The following WIPF2 variants were observed in gnomAD, a reference collection of about 807,000 sequenced individuals.
WIPF2 encodes WAS/WASL interacting protein family member 2.
Under a neutral mutation model 38.8 loss-of-function variants are expected in WIPF2, and 23 were observed. The observed-to-expected ratio is 0.59, with a 90% confidence interval of 0.43 to 0.84. The LOEUF is 0.84. Ranked by LOEUF, WIPF2 falls within the 40% of genes least tolerant of loss-of-function variation. The probability of loss-of-function intolerance (pLI) is 0.00; values close to 1 mark genes in which losing one functional copy is unlikely to be tolerated. For missense variants in WIPF2, 574 were observed against 580.5 expected (o/e 0.99, Z 0.11); for synonymous variants, 210 against 223.2 (o/e 0.94, Z 0.53).
intron 4 of WIPF2, among the ~76,000 whole-genome samples, 156 bp from the exon 5 acceptor site, chr17:40,264,326 CAAAAAAAA>C (rs772320240): frequency 9.2e-4 from 22 of 23,966 alleles, no homozygotes; most frequent in South Asian, 5.0e-3. Context: ...AACTTCGTCT[CAAAAAAAA>C]AAAAAAAAAA....
chr17:40,267,276 T>G (rs1222790178), intron 5 of WIPF2, among the ~76,000 whole-genome samples: 2 of 151,308 alleles, frequency 1.3e-5, no homozygotes, highest in African/African-American at 4.9e-5. Context: ...TAAGGGAGAG[T>G]GGGGCAGGAA....
chr17:40,277,068 C>T lies in WIPF2; in HGVS notation c.1181-15C>T. 6.2e-7 allele frequency: 1 copy of T among 1,600,752 alleles called. No homozygotes were observed. Among genetic ancestry groups the T allele is most frequent in the Non-Finnish European group, 8.5e-7 (1 of 1,170,584 alleles). Reference sequence around the variant, plus strand: ...AGCAAGGATGATAGGAATTAATGTTCTATTCTTTTCGCAGATGATTTTGAG... The same window carrying T: ...AGCAAGGATGATAGGAATTAATGTTTTATTCTTTTCGCAGATGATTTTGAG... On this transcript the variant is annotated splice_polypyrimidine_tract_variant and intron_variant, in intron 6 of 7. Transcript: ENST00000323571.
chr17:40,270,351 G>A (rs1368522821), intron 5 of WIPF2, among the ~76,000 whole-genome samples: 3 of 147,806 alleles, frequency 2.0e-5, no homozygotes, highest in African/African-American at 7.5e-5. Context: ...GGGGGACAGA[G>A]CGAGACTCCG....
intron 6 of WIPF2, among the ~76,000 whole-genome samples, chr17:40,274,280 T>C (rs2032325308): frequency 6.6e-6 from 1 of 152,202 alleles, no homozygotes; most frequent in Admixed American, 6.5e-5. Context: ...TTTTTGTAGC[T>C]AGCTTTTAGG....
At chr17:40,261,555 C>T (rs2031900335) in intron 3 of WIPF2, among the ~76,000 whole-genome samples, 1 of 152,032 alleles carries the variant, frequency 6.6e-6, no homozygotes, top group Non-Finnish European at 1.5e-5. Context: ...TGCTCAGCCT[C>T]TCAAAGTGCT....
chr17:40,238,129 T>G (rs1234691857), intron 1 of WIPF2, among the ~76,000 whole-genome samples: 2 of 151,788 alleles, frequency 1.3e-5, no homozygotes, highest in Non-Finnish European at 2.9e-5. Flanking sequence ...CGTGCTGGGA[T>G]TACAGACGTG....
At position 40,264,820 on chromosome 17, in the gene WIPF2, A is replaced by G; in HGVS notation, c.644A>G (p.Gln215Arg). 6.2e-7 allele frequency: 1 copy of G among 1,613,510 alleles called. No homozygotes were observed. Among genetic ancestry groups the G allele is most frequent in the South Asian group, 1.1e-5 (1 of 91,050 alleles). ...REKPLPPTPG[Q>R]RLHPGREGPP... ...AAACCCTTGCCACCGACGCCTGGAC[A>G]AAGGCTTCACCCTGGTCGAGAGGGA... Residue 215 changes from glutamine (Q) to arginine (R), a missense_variant, in exon 5 of 8, where the codon CAA becomes CGA. Gln to Arg is a conservative substitution (Grantham distance 43). Transcript: ENST00000323571.
intron 3 of WIPF2, among the ~76,000 whole-genome samples, chr17:40,261,847 C>T (rs1438553833): frequency 6.6e-5 from 10 of 150,554 alleles, no homozygotes; most frequent in Non-Finnish European, 1.0e-4. Flanking sequence ...CCACCGCACC[C>T]GGCTAATTTT....
intron 1 of WIPF2, among the ~76,000 whole-genome samples, chr17:40,243,404 T>G (rs1452651283): frequency 6.6e-6 from 1 of 152,208 alleles, no homozygotes; most frequent in Non-Finnish European, 1.5e-5. Context: ...TAAAAAAATA[T>G]GTTTGAAAGA....
chr17:40,246,375 C>A (rs962421157), intron 1 of WIPF2, among the ~76,000 whole-genome samples: 1 of 140,954 alleles, frequency 7.1e-6, no homozygotes, highest in East Asian at 2.1e-4. Flanking sequence ...CGTGAGCCAC[C>A]GTGCCCTGCC....
intron 1 of WIPF2, among the ~76,000 whole-genome samples, chr17:40,244,703 A>G (rs766527559): frequency 8.5e-5 from 13 of 152,274 alleles, no homozygotes; most frequent in African/African-American, 1.7e-4. Flanking sequence ...ATAAAGCCTC[A>G]GATTTCATCT....
At chr17:40,235,152 C>G (rs537530723) in intron 1 of WIPF2, among the ~76,000 whole-genome samples, 52 of 152,212 alleles carry the variant, frequency 3.4e-4, no homozygotes, top group African/African-American at 1.2e-3. Flanking sequence ...GCCTCGGCCT[C>G]CCAAAGTGCT....
At chr17:40,274,562 A>G (rs1401557849) in intron 6 of WIPF2, among the ~76,000 whole-genome samples, 19 of 112,706 alleles carry the variant, frequency 1.7e-4, no homozygotes, top group Non-Finnish European at 2.6e-4. Context: ...TTCTTGAAAA[A>G]AAAAAAAAAA....
chr17:40,251,981 G>T (rs758739842), intron 1 of WIPF2, among the ~76,000 whole-genome samples: 3 of 152,008 alleles, frequency 2.0e-5, no homozygotes, highest in Non-Finnish European at 4.4e-5. Flanking sequence ...TTTTTTAAGG[G>T]GTCTTGCTGT....
chr17:40,268,857 T>C (rs1038916120), intron 5 of WIPF2, among the ~76,000 whole-genome samples: 1 of 152,168 alleles, frequency 6.6e-6, no homozygotes, highest in Admixed American at 6.5e-5. Context: ...TTCTCACCGA[T>C]TCTCTTTTCT....
rs149350192 is a variant in WIPF2, at chr17:40,222,572, CAT to C, written c.-70+3081_-70+3082del. Among the ~76,000 whole-genome samples the C allele has an allele frequency of 1.6e-3, 171 of 107,174 alleles. 2 individuals are homozygous for C. The highest frequency in any genetic ancestry group is 6.0e-3 in the East Asian group (15 of 2,504). 70.3% of individuals were successfully genotyped at this position (107,174 alleles called of 152,430 possible). A position where few individuals can be genotyped will look rare whatever the true frequency, so the allele number is the denominator to read the frequency against. ...TCTGTTTCTTCCTCTTAGCCTTGCT[CAT>C]GTGTGTGTGTGTTTGTGTGTGTGTG... is the stretch of plus-strand genomic sequence containing the variant. On this transcript the variant is annotated intron_variant, in intron 1 of 7. Transcript: ENST00000323571.
At position 40,279,480 on chromosome 17, in the gene WIPF2, G is replaced by A. The variant is rs1051970185; in HGVS notation, c.*1255G>A. The A allele has an allele frequency of 6.5e-6, 1 of 152,728 alleles. No individual in the cohort carries two copies. The highest frequency in any genetic ancestry group is 6.5e-5 in the Admixed American group (1 of 15,276). 9.5% of individuals were successfully genotyped at this position (152,728 alleles called of 1,614,324 possible). On this transcript the variant is annotated 3_prime_UTR_variant, in exon 8 of 8. Transcript: ENST00000323571. ...ATATTCAGATACTCTTCTATGCCAGGAAGCACAAAGACTTTGTTGAGATTT... is the reference window on the plus strand; with the variant it reads ...ATATTCAGATACTCTTCTATGCCAGAAAGCACAAAGACTTTGTTGAGATTT...
At chr17:40,228,050 C>T (rs1462152923) in intron 1 of WIPF2, among the ~76,000 whole-genome samples, 44 of 103,966 alleles carry the variant, frequency 4.2e-4, no homozygotes, top group African/African-American at 1.6e-3. Context: ...GAGTCTCGCT[C>T]TGTCGCCCAG....
intron 1 of WIPF2, among the ~76,000 whole-genome samples, chr17:40,247,345 G>A (rs996884280): frequency 1.4e-5 from 2 of 147,040 alleles, no homozygotes; most frequent in African/African-American, 5.0e-5. Flanking sequence ...AGCCTCCCAA[G>A]GTAGCTAGGA....
Sources: gnomAD v4.1 joint callset for allele counts (sites outside exome capture counted in the v4.1 genomes callset) on GRCh38, gnomAD v4.1.1 for gene constraint, MANE v1.5 for transcripts, NCBI Gene and HGNC (gene_info 2026-07-23, HGNC 2026-07-21) for gene names.